The following VAV2 variants were observed in gnomAD, a reference collection of about 807,000 sequenced individuals.
The protein encoded by VAV2 is guanine nucleotide exchange factor VAV2.
A neutral mutation model predicts 132.5 loss-of-function variants in VAV2; 67 were observed. The observed-to-expected ratio is 0.51, with a 90% confidence interval of 0.42 to 0.62. VAV2 has a LOEUF of 0.62. Ranked by LOEUF, VAV2 falls within the 20% of genes least tolerant of loss-of-function variation. The pLI, the probability that VAV2 is intolerant of heterozygous loss-of-function variation, is 0.00. For missense variants in VAV2, 938 were observed against 1,153.6 expected (o/e 0.81, Z 2.71); for synonymous variants, 492 against 443.5 (o/e 1.11, Z -1.37).
intron 2 of VAV2, among the ~76,000 whole-genome samples, chr9:133,871,647 C>G (rs981678893): frequency 1.3e-5 from 2 of 152,082 alleles, no homozygotes; most frequent in East Asian, 1.9e-4. Context: ...CCTAATACAC[C>G]CTTGACAATT....
At chr9:133,806,278 C>G (rs1186738644) in intron 8 of VAV2, 97 bp from the exon 9 acceptor site, 2 of 1,235,852 alleles carry the variant, frequency 1.6e-6, no homozygotes, top group Non-Finnish European at 2.3e-6. Context: ...GTAGTTCCCT[C>G]AAGGAGGGGA....
intron 9 of VAV2, among the ~76,000 whole-genome samples, chr9:133,803,217 G>A (rs1835005075): frequency 6.6e-6 from 1 of 152,184 alleles, no homozygotes; most frequent in Non-Finnish European, 1.5e-5. Flanking sequence ...CAGCCCTGGG[G>A]GAGGAGGGCG....
intron 23 of VAV2, among the ~76,000 whole-genome samples, chr9:133,776,341 T>C (rs888907343): frequency 6.6e-6 from 1 of 152,178 alleles, no homozygotes; most frequent in Non-Finnish European, 1.5e-5. Context: ...CTTGATCCCC[T>C]GGGACAGCAA....
At chr9:133,787,716 T>C (rs1307491076) in intron 15 of VAV2, among the ~76,000 whole-genome samples, 6 of 148,754 alleles carry the variant, frequency 4.0e-5, no homozygotes, top group Admixed American at 2.0e-4. Context: ...AATAGCCCTA[T>C]AGCCATGGTC....
chr9:133,972,913 A>AT (rs1367471366), intron 1 of VAV2, among the ~76,000 whole-genome samples: 18 of 152,118 alleles, frequency 1.2e-4, no homozygotes, highest in Non-Finnish European at 2.2e-4. Context: ...TACTCCCATG[A>AT]TGAGGGGTGT....
intron 1 of VAV2, among the ~76,000 whole-genome samples, chr9:133,976,062 C>G (rs1842497514): frequency 1.3e-5 from 2 of 151,642 alleles, no homozygotes; most frequent in African/African-American, 4.8e-5. Flanking sequence ...CAAAAATTAG[C>G]CAGGCGTGGT....
intron 3 of VAV2, among the ~76,000 whole-genome samples, chr9:133,854,288 C>CAA (rs201666866): frequency 9.3e-5 from 14 of 150,436 alleles, no homozygotes; most frequent in African/African-American, 3.5e-4. Flanking sequence ...TATGCACACA[C>CAA]ACACACCCAT....
At chr9:133,971,344 C>T (rs376718153) in intron 1 of VAV2, among the ~76,000 whole-genome samples, 136 of 152,306 alleles carry the variant, frequency 8.9e-4, no homozygotes, top group African/African-American at 3.0e-3. Context: ...CGCAAGCAGG[C>T]ACCGTGGGAC....
intron 2 of VAV2, among the ~76,000 whole-genome samples, chr9:133,875,314 A>G (rs1414465565): frequency 2.0e-5 from 3 of 152,182 alleles, no homozygotes; most frequent in African/African-American, 7.2e-5. Context: ...TCACAGAGCC[A>G]ACTGCCCCCA....
intron 1 of VAV2, among the ~76,000 whole-genome samples, chr9:133,953,359 A>G (rs1262010394): frequency 6.6e-6 from 1 of 152,186 alleles, no homozygotes; most frequent in Admixed American, 6.5e-5. Flanking sequence ...ATGGGCACAC[A>G]ATGGAATGAA....
Position 133,928,413 on chromosome 9 carries a change from C to T in VAV2, c.321+10690G>A, listed in dbSNP as rs1840557658. Among the ~76,000 whole-genome samples the T allele has an allele frequency of 6.6e-6, 1 of 152,164 alleles. No homozygotes were observed. Among genetic ancestry groups the T allele is most frequent in the South Asian group, 2.1e-4 (1 of 4,834 alleles). ...CCGGGAGCCTGAGGCAGCTCCCCAC[C>T]CCAGCGAGGAGCGACTGCATTTTAA... On this transcript the variant is annotated intron_variant, in intron 2 of 29. Transcript: ENST00000371850. The surrounding 1 kb of genome is among the most constrained non-coding windows in gnomAD (Gnocchi z 5.4).
At chr9:133,861,255 G>T in intron 3 of VAV2, 119 bp downstream of exon 3, 2 of 1,099,530 alleles carry the variant, frequency 1.8e-6, no homozygotes, top group Non-Finnish European at 2.5e-6. Context: ...CGCTGCAAAT[G>T]CATGATAAAG....
chr9:133,873,970 C>T (rs538652389), intron 2 of VAV2, among the ~76,000 whole-genome samples: 1 of 152,330 alleles, frequency 6.6e-6, no homozygotes, highest in South Asian at 2.1e-4. Flanking sequence ...TCCTGCCTGC[C>T]AGATCTTTCC....
chr9:133,866,637 C>T (rs13300881), intron 2 of VAV2, among the ~76,000 whole-genome samples: 4,294 of 152,206 alleles, frequency 0.028, 87 homozygotes, highest in Non-Finnish European at 0.04. Context: ...AACCCCATCT[C>T]TATTAGGAAT....
At chr9:133,945,500 C>T (rs1197205343) in intron 1 of VAV2, among the ~76,000 whole-genome samples, 1 of 152,226 alleles carries the variant, frequency 6.6e-6, no homozygotes, top group East Asian at 1.9e-4. Context: ...AAATGGAGGC[C>T]CCAGAAGGCA....
At chr9:133,952,116 C>G (rs531824497) in intron 1 of VAV2, among the ~76,000 whole-genome samples, 4 of 152,104 alleles carry the variant, frequency 2.6e-5, no homozygotes, top group Non-Finnish European at 4.4e-5. Flanking sequence ...CAAAAGGCCC[C>G]AGCTCCTAAT....
rs540123104 is a variant in VAV2, at chr9:133,912,203, T to C, written c.321+26900A>G. ...CTACAGTCCCGGCCTCCAACACACGTGGGAGAAGGGCTGACAACCAGGAGT... is the reference window on the plus strand; with the variant it reads ...CTACAGTCCCGGCCTCCAACACACGCGGGAGAAGGGCTGACAACCAGGAGT... On this transcript the variant is annotated intron_variant, in intron 2 of 29. Coordinates refer to ENST00000371850, the MANE Select transcript of VAV2 (RefSeq NM_001134398.2). This position sits in a 1 kb window ranked among gnomAD's most constrained non-coding sequence, Gnocchi z 4.3. Among the ~76,000 whole-genome samples, 1 of 152,074 alleles carries C rather than the reference T, an allele frequency of 6.6e-6. No homozygotes were observed. Among genetic ancestry groups the C allele is most frequent in the African/African-American group, 2.4e-5 (1 of 41,478 alleles).
At chr9:133,770,718 A>G (rs1833592871) in intron 26 of VAV2, among the ~76,000 whole-genome samples, 1 of 152,188 alleles carries the variant, frequency 6.6e-6, no homozygotes, top group South Asian at 2.1e-4. Context: ...TAATCTGCAA[A>G]AGATGCCAAG....
intron 21 of VAV2, 78 bp from the exon 22 acceptor site, chr9:133,778,967 C>T (rs1357853827): frequency 1.9e-6 from 3 of 1,565,726 alleles, no homozygotes; most frequent in African/African-American, 2.7e-5. Context: ...CGCAGCCCAC[C>T]CCATCACCAA....
Sources: allele counts gnomAD v4.1 joint callset (sites outside exome capture counted in the v4.1 genomes callset), GRCh38; gene constraint gnomAD v4.1.1; non-coding constraint Gnocchi (gnomAD v3.1); transcripts MANE v1.5; gene names NCBI Gene and HGNC (gene_info 2026-07-23, HGNC 2026-07-21).